The following KPNA7 variants were observed in gnomAD, a reference collection of about 807,000 sequenced individuals.
KPNA7 encodes the protein karyopherin subunit alpha 7.
In KPNA7, 54 loss-of-function variants were observed where a neutral mutation model predicts 53.7. That is an observed-to-expected ratio of 1.01 (90% confidence interval 0.81 to 1.26). The LOEUF is 1.26. Among genes scored for constraint, KPNA7 ranks in the 50% most tolerant of loss-of-function variants. The pLI is 0.00. For missense variants in KPNA7, 640 were observed against 644.5 expected (o/e 0.99, Z 0.07); for synonymous variants, 276 against 259.3 (o/e 1.06, Z -0.62).
rs770278283 is a variant in KPNA7 at position 99,185,001 on chromosome 7, C to T, written c.1062G>A (p.Ala354=). The T allele has an allele frequency of 1.1e-5, 17 of 1,551,766 alleles. No individual in the cohort carries two copies. In the East Asian group the frequency reaches 2.7e-4, roughly 25 times the overall value. ...GCTGCTGGATGTGGTGACAAGGCCC[C>T]GCTGCTACGTTGCTCAGGGCCCAGG... ...EAAWALSNVA[A]GPCHHIQQLL... is the part of the protein sequence containing the mutation. Residue 354 remains alanine (A), a synonymous_variant, in exon 8 of 11, where the codon GCG becomes GCA. Transcript: ENST00000327442.
chr7:99,175,596 A>G (rs373556103), intron 10 of KPNA7, among the ~76,000 whole-genome samples: 8 of 151,512 alleles, frequency 5.3e-5, no homozygotes, highest in African/African-American at 1.9e-4. Context: ...GCTCACTGCA[A>G]CCTCTGCTCT....
intron 3 of KPNA7, among the ~76,000 whole-genome samples, chr7:99,197,505 C>T (rs1476367462): frequency 6.6e-6 from 1 of 152,118 alleles, no homozygotes. Context: ...GCAATAGTCC[C>T]TGAGGAGACC....
At chr7:99,218,770 C>G (rs1026366052) in intron 1 of KPNA7, among the ~76,000 whole-genome samples, 1 of 152,234 alleles carries the variant, frequency 6.6e-6, no homozygotes, top group Admixed American at 6.5e-5. Context: ...GAGGCACCTC[C>G]GTGGTGGAGA....
upstream of KPNA7, among the ~76,000 whole-genome samples, chr7:99,208,446 C>T (rs183049436): frequency 0.01 from 1,562 of 152,156 alleles, 21 homozygotes; most frequent in Non-Finnish European, 0.013. Context: ...TTAGTAGAGA[C>T]GGGGTTTCAC....
Position 99,197,947 on chromosome 7 carries a change from A to G in KPNA7, c.202-1781T>C, listed in dbSNP as rs899478003. Among the ~76,000 whole-genome samples the G allele has an allele frequency of 2.6e-5, 4 of 152,356 alleles. No homozygotes were observed. The South Asian group carries it at 8.3e-4, about 32-fold the overall frequency. ...ATGGCCAAAGAAATTCCCAAATCCA[A>G]TAGAATAATTAGTCTACACATCTGA... On this transcript the variant is annotated intron_variant, in intron 3 of 10. Coordinates refer to ENST00000327442, the MANE Select transcript of KPNA7 (RefSeq NM_001145715.3).
At chr7:99,165,427 G>A in the KPNA7 span, among the ~76,000 whole-genome samples, 1 of 152,150 alleles carries the variant, frequency 6.6e-6, no homozygotes, top group African/African-American at 2.4e-5. Context: ...CATATGGGAT[G>A]GCACAGCCCC....
At chr7:99,187,770 T>A (rs1789675112) in intron 7 of KPNA7, among the ~76,000 whole-genome samples, 1 of 145,272 alleles carries the variant, frequency 6.9e-6, no homozygotes, top group South Asian at 2.2e-4. Context: ...TTTTTACAGC[T>A]GTGAGCCACC....
chr7:99,183,399 AAAC>A (rs1252926452), intron 8 of KPNA7, among the ~76,000 whole-genome samples: 2 of 150,836 alleles, frequency 1.3e-5, no homozygotes, highest in African/African-American at 4.9e-5. Flanking sequence ...TCAGCATAAA[AAAC>A]AAAACAAAAC....
intron 1 of KPNA7, among the ~76,000 whole-genome samples, chr7:99,215,062 T>C (rs1791180323): frequency 6.6e-6 from 1 of 152,002 alleles, no homozygotes; most frequent in Admixed American, 6.6e-5. Context: ...CTCATCCTTC[T>C]GCCACAACCT....
At chr7:99,173,465 T>C (rs531423505), downstream of KPNA7, 107 of 327,972 alleles carry the variant, frequency 3.3e-4, 1 homozygote, top group Admixed American at 4.8e-3. Flanking sequence ...AGTGCTGGGA[T>C]TACAGGTGTG....
At chr7:99,209,163 G>C (rs988246343), upstream of KPNA7, among the ~76,000 whole-genome samples, 9 of 151,682 alleles carry the variant, frequency 5.9e-5, no homozygotes, top group Non-Finnish European at 1.3e-4. Flanking sequence ...AAAAGAAAAA[G>C]AAAAGAAGGC....
Position 99,185,050 on chromosome 7 carries a change from T to C in KPNA7, c.1013A>G (p.Lys338Arg). 1 of 1,551,878 alleles carries C rather than the reference T, an allele frequency of 6.4e-7. No homozygotes were observed. The highest frequency in any genetic ancestry group is 8.7e-7 in the Non-Finnish European group (1 of 1,147,026). ...NVLPQLLQHN[K>R]PSIQKEAAWA... ...GGCTGCCTCCTTCTGGATGGAGGGC[T>C]TGTTGTGTTGCAGGAGCTGGGGGAG... Residue 338 changes from lysine (K) to arginine (R), a missense_variant, in exon 8 of 11, where the codon AAG becomes AGG. Transcript: ENST00000327442.
the KPNA7 span, among the ~76,000 whole-genome samples, chr7:99,166,646 G>A: frequency 3.3e-4 from 50 of 150,282 alleles, no homozygotes; most frequent in Non-Finnish European, 5.9e-4. Context: ...TTGAGATGAA[G>A]TTTCACCCTG....
intron 1 of KPNA7, among the ~76,000 whole-genome samples, chr7:99,215,993 A>C (rs996927351): frequency 2.0e-5 from 3 of 151,608 alleles, no homozygotes; most frequent in Admixed American, 6.6e-5. Flanking sequence ...AAAAAAAAAG[A>C]AAAGCACTGA....
chr7:99,187,888 A>T (rs2150732773), intron 7 of KPNA7, among the ~76,000 whole-genome samples: 1 of 148,682 alleles, frequency 6.7e-6, no homozygotes, highest in African/African-American at 2.5e-5. Context: ...ACAGAGTAGC[A>T]AAGATGGGCA....
At chr7:99,172,457 G>T (rs2150691114), downstream of KPNA7, among the ~76,000 whole-genome samples, 1 of 152,320 alleles carries the variant, frequency 6.6e-6, no homozygotes, top group Non-Finnish European at 1.5e-5. Context: ...GCTTATGTCT[G>T]TAATCCCAGC....
chr7:99,205,565 G>A (rs368605402), intron 2 of KPNA7, among the ~76,000 whole-genome samples: 1 of 151,324 alleles, frequency 6.6e-6, no homozygotes, highest in South Asian at 2.1e-4. Context: ...TACAGAGATG[G>A]GGGGCTGGGA....
chr7:99,201,664 A>G (rs998804243), intron 3 of KPNA7, among the ~76,000 whole-genome samples: 3 of 148,590 alleles, frequency 2.0e-5, no homozygotes, highest in Non-Finnish European at 3.0e-5. Context: ...CTCTGTCTCA[A>G]AAAAAAAAAG....
chr7:99,173,967 C>T (rs755758536), intron 10 of KPNA7, among the ~76,000 whole-genome samples, 173 bp from the exon 11 acceptor site: 3 of 152,176 alleles, frequency 2.0e-5, no homozygotes, highest in Non-Finnish European at 4.4e-5. Flanking sequence ...CACCACCCAC[C>T]TCTAGAACTT....
Sources: gnomAD v4.1 joint callset for allele counts (sites outside exome capture counted in the v4.1 genomes callset) on GRCh38, gnomAD v4.1.1 for gene constraint, MANE v1.5 for transcripts, NCBI Gene and HGNC (gene_info 2026-07-23, HGNC 2026-07-21) for gene names.